The following SBF2 variants were observed in gnomAD, a reference collection of about 807,000 sequenced individuals.
SBF2 encodes the protein myotubularin-related protein 13.
A neutral mutation model predicts 225.2 loss-of-function variants in SBF2; 112 were observed. The ratio of observed to expected loss-of-function variants is 0.50; its 90% confidence interval spans 0.43 to 0.58. The LOEUF is 0.58. Among genes scored for constraint, SBF2 ranks in the 20% least tolerant of loss-of-function variants. The probability of loss-of-function intolerance (pLI) is 0.00; values close to 1 mark genes in which losing one functional copy is unlikely to be tolerated. For missense variants in SBF2, 1,996 were observed against 2,206.2 expected, an observed-to-expected ratio of 0.90 and a Z score of 1.91; for synonymous variants, 763 against 773.3, an observed-to-expected ratio of 0.99 and a Z score of 0.22.
chr11:9,866,087 T>C (rs1858198946), intron 17 of SBF2, among the ~76,000 whole-genome samples: 1 of 152,228 alleles, frequency 6.6e-6, no homozygotes, highest in East Asian at 1.9e-4. Context: ...TTGTTATCTA[T>C]ACCAATAAGC....
chr11:9,801,864 A>G (rs1454889509), intron 32 of SBF2, among the ~76,000 whole-genome samples: 1 of 152,272 alleles, frequency 6.6e-6, no homozygotes, highest in Non-Finnish European at 1.5e-5. Flanking sequence ...GTGTGGGGGC[A>G]GCTTAGCTGC....
chr11:10,059,372 GA>G (rs1444929088), intron 2 of SBF2, among the ~76,000 whole-genome samples: 1 of 151,866 alleles, frequency 6.6e-6, no homozygotes, highest in Non-Finnish European at 1.5e-5. Flanking sequence ...ATTTGAGATA[GA>G]AAAAGTTTCA....
At chr11:9,849,929 A>G in intron 22 of SBF2, 94 bp downstream of exon 22, 1 of 1,230,440 alleles carries the variant, frequency 8.1e-7, no homozygotes, top group African/African-American at 1.5e-5. Flanking sequence ...CTGACTTTGG[A>G]TTTAAAATGA....
In SBF2 at chr11:9,795,746, T is replaced by C. The variant is rs1853082840; in HGVS notation, c.4570+85A>G. On this transcript the variant is annotated intron_variant, in intron 33 of 39. Transcript: ENST00000256190. The stretch of plus-strand genomic sequence containing the variant: ...TAAACCTTAACTCAGCTTGTCAGTC[T>C]TGGGGATAGTTACATTATTAGAATT... 5.3e-6 allele frequency: 8 copies of C among 1,497,282 alleles called. No homozygotes were observed. The South Asian group carries it at 9.1e-5, about 17-fold the overall frequency. The allele number at this position is 1,497,282 out of a possible 1,614,324, so 92.7% of individuals were successfully genotyped here. A position where few individuals can be genotyped will look rare whatever the true frequency, so the allele number is the denominator to read the frequency against.
chr11:10,243,736 A>T (rs1959472923), intron 1 of SBF2, among the ~76,000 whole-genome samples: 1 of 152,146 alleles, frequency 6.6e-6, no homozygotes, highest in Non-Finnish European at 1.5e-5. Context: ...ATAATCTACC[A>T]AGGCTGAATT....
At chr11:10,106,255 G>A (rs1474942518) in intron 2 of SBF2, among the ~76,000 whole-genome samples, 3 of 152,112 alleles carry the variant, frequency 2.0e-5, no homozygotes, top group South Asian at 4.1e-4. Flanking sequence ...ATACCTTTTT[G>A]AAATAAAGAA....
intron 2 of SBF2, among the ~76,000 whole-genome samples, chr11:10,158,297 A>G (rs1309312379): frequency 6.6e-6 from 1 of 152,102 alleles, no homozygotes; most frequent in Non-Finnish European, 1.5e-5. Flanking sequence ...AGAAGAGCAA[A>G]CTAAATCAGC....
intron 2 of SBF2, among the ~76,000 whole-genome samples, chr11:10,139,194 A>AATTACT (rs1226254983): frequency 3.9e-5 from 6 of 152,130 alleles, no homozygotes; most frequent in Non-Finnish European, 5.9e-5. Context: ...TTTTGGGAAA[A>AATTACT]TGTTAAGATT....
intron 2 of SBF2, among the ~76,000 whole-genome samples, chr11:10,076,190 C>T (rs561749660): frequency 4.9e-4 from 75 of 152,246 alleles, no homozygotes; most frequent in African/African-American, 1.7e-3. Flanking sequence ...CAATCCAGGC[C>T]ACTGGGGAGC....
chr11:10,099,541 T>C (rs913141453), intron 2 of SBF2, among the ~76,000 whole-genome samples: 2 of 152,096 alleles, frequency 1.3e-5, no homozygotes, highest in South Asian at 4.1e-4. Context: ...TAAAGGTAAG[T>C]AGATAGTCAG....
chr11:9,935,777 AC>A, intron 16 of SBF2, among the ~76,000 whole-genome samples: 1 of 152,060 alleles, frequency 6.6e-6, no homozygotes, highest in African/African-American at 2.4e-5. Context: ...AAACTGGATC[AC>A]TTCCTTACAC....
chr11:10,179,525 T>C (rs577207693), intron 2 of SBF2, among the ~76,000 whole-genome samples: 3 of 152,292 alleles, frequency 2.0e-5, no homozygotes, highest in Admixed American at 6.5e-5. Flanking sequence ...TCTATAGATA[T>C]CTATTAGGTA....
chr11:9,960,197 GAGGTTTATGTTTTCCCTCTCTCTA>G lies in SBF2; in HGVS notation c.1860+1736_1860+1759del. 1.3e-5 allele frequency: 2 copies of G among 153,204 alleles called. 1 individual carries two copies. The allele number at this position is 153,204 out of a possible 1,614,324, so 9.5% of individuals were successfully genotyped here. The stretch of plus-strand genomic sequence containing the variant: ...AATCGGAGCATTAACCTCTCTCTCT[GAGGTTTATGTTTTCCCTCTCTCTA>G]TGGTATCTTTTAATGAACAGAAGTT... On this transcript the variant is annotated intron_variant, in intron 16 of 39. Transcript: ENST00000256190.
At chr11:9,987,253 C>A (rs1000279156) in intron 13 of SBF2, among the ~76,000 whole-genome samples, 3 of 152,020 alleles carry the variant, frequency 2.0e-5, no homozygotes, top group Non-Finnish European at 4.4e-5. Flanking sequence ...CTCAGCAGAA[C>A]TGGCATACGA....
chr11:10,179,697 A>G (rs1591151357), intron 2 of SBF2, among the ~76,000 whole-genome samples: 1 of 152,102 alleles, frequency 6.6e-6, no homozygotes, highest in East Asian at 1.9e-4. Context: ...TGGGTGCTCC[A>G]GTGTTGGATG....
At chr11:10,028,780 G>A (rs909134081) in intron 5 of SBF2, among the ~76,000 whole-genome samples, 14 of 152,064 alleles carry the variant, frequency 9.2e-5, no homozygotes, top group African/African-American at 3.4e-4. Flanking sequence ...GTAGAGATAA[G>A]ACACAAAAAT....
At chr11:10,223,397 C>CA (rs1958411204) in intron 1 of SBF2, among the ~76,000 whole-genome samples, 4 of 61,144 alleles carry the variant, frequency 6.5e-5, no homozygotes, top group African/African-American at 1.2e-4. Context: ...ATATTTTGCA[C>CA]ATTATATATA....
intron 13 of SBF2, among the ~76,000 whole-genome samples, chr11:9,968,861 G>A (rs1867140263): frequency 6.6e-6 from 1 of 152,028 alleles, no homozygotes. Context: ...CTCAGTCCTT[G>A]GGTCTTTTTT....
At chr11:9,846,900 T>C in intron 23 of SBF2, 56 bp downstream of exon 23, 1 of 1,599,034 alleles carries the variant, frequency 6.3e-7, no homozygotes. Flanking sequence ...GGCCATAATA[T>C]CATTTGACTT....
Sources: gnomAD v4.1 joint callset for allele counts (sites outside exome capture counted in the v4.1 genomes callset) on GRCh38, gnomAD v4.1.1 for gene constraint, MANE v1.5 for transcripts, NCBI Gene and HGNC (gene_info 2026-07-23, HGNC 2026-07-21) for gene names.